TMEM201: variants seen among roughly 807,000 people sequenced by gnomAD.
The protein encoded by TMEM201 is RP13-15M17.2.
In TMEM201, 26 loss-of-function variants were observed where a neutral mutation model predicts 63.4. The observed-to-expected ratio is 0.41, with a 90% confidence interval of 0.30 to 0.57. The LOEUF is 0.57. Ranked by LOEUF, TMEM201 falls within the 20% of genes least tolerant of loss-of-function variation. The pLI is 0.29. For synonymous variants in TMEM201, 417 were observed against 421.6 expected (o/e 0.99, Z 0.14); for missense variants, 794 against 917.7 (o/e 0.87, Z 1.74).
At chr1:9,597,291 A>G (rs1014511766) in intron 3 of TMEM201, among the ~76,000 whole-genome samples, 2 of 152,202 alleles carry the variant, frequency 1.3e-5, no homozygotes, top group Non-Finnish European at 2.9e-5. Context: ...CCCATGTCTT[A>G]CAGTCACTGC....
chr1:9,612,929 G>C, intron 10 of TMEM201, 57 bp from the exon 11 acceptor site: 1 of 1,475,430 alleles, frequency 6.8e-7, no homozygotes, highest in Non-Finnish European at 9.3e-7. Flanking sequence ...GGGCTGCTCA[G>C]CTGCACAGCG....
Position 9,600,496 on chromosome 1 carries a change from C to T in TMEM201, c.607-609C>T, listed in dbSNP as rs116216469. Among the ~76,000 whole-genome samples, 875 of 152,290 alleles carry T rather than the reference C, an allele frequency of 5.7e-3. 6 individuals are homozygous for T. The highest frequency in any genetic ancestry group is 0.02 in the African/African-American group (837 of 41,556). Reference sequence around the variant, plus strand: ...CACCCCTAAAACCCATGCTCAGATACGCACATAATAAACGCGTGGTGATAC... The same window carrying T: ...CACCCCTAAAACCCATGCTCAGATATGCACATAATAAACGCGTGGTGATAC... On this transcript the variant is annotated intron_variant, in intron 4 of 10. Transcript: ENST00000340381.
In TMEM201 at chr1:9,604,631, A is replaced by G. The variant is rs1181579590; in HGVS notation, c.1160+2359A>G. 6 of 985,456 alleles carry G rather than the reference A, an allele frequency of 6.1e-6. No individual in the cohort carries two copies. The highest frequency in any genetic ancestry group is 6.2e-5 in the Admixed American group (1 of 16,248). 61.0% of individuals were successfully genotyped at this position (985,456 alleles called of 1,614,324 possible). On this transcript the variant is annotated intron_variant, in intron 6 of 10. Coordinates refer to ENST00000340381, the MANE Select transcript of TMEM201 (RefSeq NM_001130924.3). This position sits in a 1 kb window ranked among gnomAD's most constrained non-coding sequence, Gnocchi z 4.1. Reference sequence around the variant, plus strand: ...TCCTAGGTATGGGTGACCGTCCCTGAGACATAAGCGAGGTAGATTCAGCCA... The same window carrying G: ...TCCTAGGTATGGGTGACCGTCCCTGGGACATAAGCGAGGTAGATTCAGCCA...
rs925924966 is a variant in TMEM201 at position 9,611,851 on chromosome 1, A to G, written c.1864A>G (p.Thr622Ala). 1 of 1,550,124 alleles carries G rather than the reference A, an allele frequency of 6.5e-7. No individual in the cohort carries two copies. The highest frequency in any genetic ancestry group is 2.0e-5 in the Admixed American group (1 of 50,932). Residue 622 changes from threonine to alanine, a missense_variant, in exon 10 of 11, where the codon ACC becomes GCC. Transcript: ENST00000340381. ...SQSSTCVVDT[T>A]TRGCSEEAAT... ...GTCATCTACCTGTGTGGTGGACACC[A>G]CCACCAGGGGCTGCTCGGAGGAGGC...
intron 3 of TMEM201, among the ~76,000 whole-genome samples, chr1:9,597,767 G>A (rs575312916): frequency 8.5e-5 from 13 of 152,320 alleles, no homozygotes; most frequent in African/African-American, 3.1e-4. Flanking sequence ...AGGCAGGGAT[G>A]GGGAACCTGC....
chr1:9,603,303 A>G lies in TMEM201; in HGVS notation c.1160+1031A>G. The G allele has an allele frequency of 5.1e-6, 5 of 984,744 alleles. No homozygotes were observed. Among genetic ancestry groups the G allele is most frequent in the Non-Finnish European group, 6.0e-6 (5 of 829,310 alleles). The allele number at this position is 984,744 out of a possible 1,614,324, so 61.0% of individuals were successfully genotyped here. A position where few individuals can be genotyped will look rare whatever the true frequency, so the allele number is the denominator to read the frequency against. ...TGAAATGAGGTGGACCCCTCTCCAT[A>G]GCCCTTGGGTGCCAGCTCAGTGGGT... On this transcript the variant is annotated intron_variant, in intron 6 of 10. Coordinates refer to ENST00000340381, the MANE Select transcript of TMEM201 (RefSeq NM_001130924.3). The surrounding 1 kb of genome is among the most constrained non-coding windows in gnomAD (Gnocchi z 4.5).
At chr1:9,590,195 C>T (rs1461678211) in intron 1 of TMEM201, among the ~76,000 whole-genome samples, 1 of 152,102 alleles carries the variant, frequency 6.6e-6, no homozygotes, top group Admixed American at 6.6e-5. Context: ...ACCCAAGTCT[C>T]TCCATGTCGG....
Position 9,603,878 on chromosome 1 carries a change from G to A in TMEM201, c.1160+1606G>A. ...GCCCCAGCGTTACTGGGCTCAGCTT[G>A]TTGTTCTGTGTGGAGCGTGAGGTGA... On this transcript the variant is annotated intron_variant, in intron 6 of 10. Transcript: ENST00000340381. The surrounding 1 kb of genome is among the most constrained non-coding windows in gnomAD (Gnocchi z 4.5). 1 of 985,466 alleles carries A rather than the reference G, an allele frequency of 1.0e-6. No homozygotes were observed. Among genetic ancestry groups the A allele is most frequent in the Non-Finnish European group, 1.2e-6 (1 of 829,926 alleles). The allele number at this position is 985,466 out of a possible 1,614,324, so 61.0% of individuals were successfully genotyped here.
intron 1 of TMEM201, among the ~76,000 whole-genome samples, chr1:9,590,339 C>T (rs1643899570): frequency 6.6e-6 from 1 of 152,204 alleles, no homozygotes; most frequent in Non-Finnish European, 1.5e-5. Flanking sequence ...GCCAGCTGAG[C>T]TGGTCCAGCA....
In TMEM201 at chr1:9,601,422, C is replaced by T; in HGVS notation, c.924C>T (p.Cys308=). The change falls in exon 5 of 11, where the codon TGC becomes TGT. Residue 308 remains cysteine, a synonymous_variant. Transcript: ENST00000340381. ...TCGTGGCACTGGGCCTACTCACCTGCCTGCTGGCAATGCTGCTGGCTGGCC... is the reference window on the plus strand; with the variant it reads ...TCGTGGCACTGGGCCTACTCACCTGTCTGCTGGCAATGCTGCTGGCTGGCC... The part of the protein sequence containing the change: ...TGVVALGLLT[C]LLAMLLAGRI... The T allele has an allele frequency of 6.3e-7, 1 of 1,594,704 alleles. No individual in the cohort carries two copies. The highest frequency in any genetic ancestry group is 8.5e-7 in the Non-Finnish European group (1 of 1,174,910).
At position 9,607,851 on chromosome 1, in the gene TMEM201, G is replaced by C; in HGVS notation, c.1393+62G>C. On this transcript the variant is annotated intron_variant, in intron 7 of 10. Transcript: ENST00000340381. This position sits in a 1 kb window ranked among gnomAD's most constrained non-coding sequence, Gnocchi z 5.4. ...TAGGGGCAGCTGGGACAGAACTGTG[G>C]ATGGGTACATAGTGTAGGGAGGGCC... 1 of 1,458,566 alleles carries C rather than the reference G, an allele frequency of 6.9e-7. No homozygotes were observed. The highest frequency in any genetic ancestry group is 9.3e-7 in the Non-Finnish European group (1 of 1,071,822). 90.4% of individuals were successfully genotyped at this position (1,458,566 alleles called of 1,614,324 possible).
At chr1:9,602,580 A>G (rs949364849) in intron 6 of TMEM201, 12 of 1,298,154 alleles carry the variant, frequency 9.2e-6, no homozygotes, top group Admixed American at 3.3e-5. Flanking sequence ...CAGCGCCCAC[A>G]CAGGCTCTGG....
In TMEM201 at chr1:9,596,747, T is replaced by C. The variant is rs1644027275; in HGVS notation, c.235-112T>C. On this transcript the variant is annotated intron_variant, in intron 2 of 10. Coordinates refer to ENST00000340381, the MANE Select transcript of TMEM201 (RefSeq NM_001130924.3). ...TGCAGAAGAAAAAAAAGAATGGAGA[T>C]GTTTGAGATCTACCATCACTTGCCT... is the stretch of plus-strand genomic sequence containing the variant. 3 of 1,042,004 alleles carry C rather than the reference T, an allele frequency of 2.9e-6. No homozygotes were observed. In the East Asian group the frequency reaches 7.8e-5, roughly 27 times the overall value. The allele number at this position is 1,042,004 out of a possible 1,614,324, so 64.5% of individuals were successfully genotyped here.
At chr1:9,591,967 G>A (rs1043511041) in intron 1 of TMEM201, among the ~76,000 whole-genome samples, 5 of 152,234 alleles carry the variant, frequency 3.3e-5, no homozygotes, top group Non-Finnish European at 7.3e-5. Context: ...GGAGGTCGTC[G>A]TTCTTGTCTT....
chr1:9,611,167 A>T, intron 9 of TMEM201: 2 of 734,686 alleles, frequency 2.7e-6, no homozygotes, highest in South Asian at 1.8e-5. Flanking sequence ...AAAACCTACA[A>T]CTTTCAACTT....
intron 10 of TMEM201, among the ~76,000 whole-genome samples, chr1:9,612,451 G>A (rs988701051): frequency 6.6e-6 from 1 of 152,232 alleles, no homozygotes; most frequent in Non-Finnish European, 1.5e-5. Context: ...GGAGGAGGGG[G>A]TGTGTGTTGA....
In TMEM201 at chr1:9,605,598, G is replaced by A. The variant is rs914419091; in HGVS notation, c.1161-1959G>A. Among the ~76,000 whole-genome samples, 15 of 152,086 alleles carry A rather than the reference G, an allele frequency of 9.9e-5. No individual in the cohort carries two copies. The South Asian group carries it at 1.7e-3, about 18-fold the overall frequency. ...ATGCCCAGCCCTGTGAGCGATTTAC[G>A]AGGTCTTGCTGGTTGAGTGATGTTC... On this transcript the variant is annotated intron_variant, in intron 6 of 10. Transcript: ENST00000340381. This position sits in a 1 kb window ranked among gnomAD's most constrained non-coding sequence, Gnocchi z 5.7.
chr1:9,602,411 G>T, intron 6 of TMEM201, 139 bp downstream of exon 6: 1 of 1,024,936 alleles, frequency 9.8e-7, no homozygotes, highest in Non-Finnish European at 1.4e-6. Context: ...TACAGCCCCA[G>T]GTCCTGGCCC....
At chr1:9,598,659 G>T (rs1207805280) in intron 4 of TMEM201, 34 bp downstream of exon 4, 1 of 1,590,772 alleles carries the variant, frequency 6.3e-7, no homozygotes, top group Non-Finnish European at 8.6e-7. Flanking sequence ...GGGGGTGGGG[G>T]TGTTGAGTTT....
Sources: allele counts gnomAD v4.1 joint callset (sites outside exome capture counted in the v4.1 genomes callset), GRCh38; gene constraint gnomAD v4.1.1; non-coding constraint Gnocchi (gnomAD v3.1); transcripts MANE v1.5; gene names NCBI Gene and HGNC (gene_info 2026-07-23, HGNC 2026-07-21).